Variants in FBXO32 observed in about 807,000 individuals in gnomAD.
FBXO32 encodes the protein F-box protein 32, also known as F-box only protein 32.
FBXO32 carries 15 observed loss-of-function variants against 48.3 expected under a neutral mutation model. That is an observed-to-expected ratio of 0.31 (90% CI 0.21 to 0.48). FBXO32 has a LOEUF of 0.48. Among genes scored for constraint, FBXO32 ranks in the 20% least tolerant of loss-of-function variants. FBXO32 has a pLI of 0.99. For synonymous variants in FBXO32, 154 were observed against 165.9 expected, an observed-to-expected ratio of 0.93 and a Z score of 0.55; for missense variants, 309 against 432.7, an observed-to-expected ratio of 0.71 and a Z score of 2.54.
In FBXO32 at chr8:123,498,266, C is replaced by G. The variant is rs567813504; in HGVS notation, c.*5107G>C. On this transcript the variant is annotated 3_prime_UTR_variant, in exon 9 of 9. Transcript: ENST00000517956. Reference sequence around the variant, plus strand: ...AGCTTGGAGCCTTCTGCTTAACAGACTTGTGCTTCGTTAATTAAACAAACA... The same window carrying G: ...AGCTTGGAGCCTTCTGCTTAACAGAGTTGTGCTTCGTTAATTAAACAAACA... 2.4e-4 allele frequency: 37 copies of G among 152,340 alleles called. No individual in the cohort carries two copies. The highest frequency in any genetic ancestry group is 8.7e-4 in the African/African-American group (36 of 41,580). The allele number at this position is 152,340 out of a possible 1,614,324, so 9.4% of individuals were successfully genotyped here.
chr8:123,510,106 G>T (rs886493858), intron 6 of FBXO32, among the ~76,000 whole-genome samples: 1 of 152,188 alleles, frequency 6.6e-6, no homozygotes, highest in Non-Finnish European at 1.5e-5. Context: ...ATTAATACAT[G>T]CAAAGGACTT....
intron 4 of FBXO32, among the ~76,000 whole-genome samples, chr8:123,518,840 G>A (rs1196940953): frequency 1.3e-5 from 2 of 150,666 alleles, no homozygotes; most frequent in African/African-American, 4.9e-5. Context: ...TTTTTTTGTT[G>A]AGACAAAGTC....
Position 123,501,871 on chromosome 8 carries a change from A to G in FBXO32, c.*1502T>C, listed in dbSNP as rs1816498534. On this transcript the variant is annotated 3_prime_UTR_variant, in exon 9 of 9. Coordinates refer to ENST00000517956, the MANE Select transcript of FBXO32 (RefSeq NM_058229.4). ...AAAAAAAGCATATACAACTGCAAATATATGTACATTGTTGTAGGAAAGCAA... is the reference window on the plus strand; with the variant it reads ...AAAAAAAGCATATACAACTGCAAATGTATGTACATTGTTGTAGGAAAGCAA... 6.6e-6 allele frequency: 1 copy of G among 152,196 alleles called. No homozygotes were observed. The highest frequency in any genetic ancestry group is 1.5e-5 in the Non-Finnish European group (1 of 68,028). The allele number at this position is 152,196 out of a possible 1,614,324, so 9.4% of individuals were successfully genotyped here. A position where few individuals can be genotyped will look rare whatever the true frequency, so the allele number is the denominator to read the frequency against.
Position 123,503,564 on chromosome 8 carries a change from A to T in FBXO32, c.979-102T>A, listed in dbSNP as rs907849271. On this transcript the variant is annotated intron_variant, in intron 8 of 8. Transcript: ENST00000517956. ...ACTTCAAAGCAACAATTCTCTGTCA[A>T]TAATGCCCCAGGCCTAAATGTTGCA... is the stretch of plus-strand genomic sequence containing the variant. The T allele has an allele frequency of 5.0e-6, 4 of 792,576 alleles. No homozygotes were observed. In the African/African-American group the frequency reaches 6.9e-5, roughly 14 times the overall value. 49.1% of individuals were successfully genotyped at this position (792,576 alleles called of 1,614,324 possible). A position where few individuals can be genotyped will look rare whatever the true frequency, so the allele number is the denominator to read the frequency against.
chr8:123,507,567 C>T (rs575145002), intron 6 of FBXO32, among the ~76,000 whole-genome samples: 24 of 151,838 alleles, frequency 1.6e-4, no homozygotes, highest in African/African-American at 4.8e-4. Flanking sequence ...CCGAGGCCTC[C>T]GTGGAGCATT....
chr8:123,512,722 A>G (rs1816760182), intron 6 of FBXO32, among the ~76,000 whole-genome samples: 1 of 152,120 alleles, frequency 6.6e-6, no homozygotes, highest in Admixed American at 6.6e-5. Flanking sequence ...AAGTTCACAG[A>G]CTTTAATCAA....
At chr8:123,534,919 G>T in intron 1 of FBXO32, 105 bp from the exon 2 acceptor site, 1 of 609,444 alleles carries the variant, frequency 1.6e-6, no homozygotes, top group African/African-American at 1.9e-5. Flanking sequence ...AAACATACAG[G>T]CTTCTCAAAC....
At chr8:123,521,090 T>C (rs1406536907) in intron 4 of FBXO32, among the ~76,000 whole-genome samples, 1 of 152,238 alleles carries the variant, frequency 6.6e-6, no homozygotes, top group African/African-American at 2.4e-5. Flanking sequence ...TTCACCTTAC[T>C]ATGGTTTCAT....
At chr8:123,534,871 C>G (rs1817280750) in intron 1 of FBXO32, 57 bp from the exon 2 acceptor site, 2 of 1,089,096 alleles carry the variant, frequency 1.8e-6, no homozygotes, top group Non-Finnish European at 2.8e-6. Flanking sequence ...TGAACCTGAG[C>G]TGTTTCTATA....
intron 1 of FBXO32, among the ~76,000 whole-genome samples, chr8:123,539,712 A>C (rs1280899595): frequency 6.6e-6 from 1 of 152,196 alleles, no homozygotes; most frequent in Non-Finnish European, 1.5e-5. Flanking sequence ...TTTTCTTGAT[A>C]GTTTTCTCAA....
chr8:123,515,469 G>A (rs796611061), intron 4 of FBXO32, among the ~76,000 whole-genome samples: 37 of 148,994 alleles, frequency 2.5e-4, no homozygotes, highest in African/African-American at 8.9e-4. Context: ...GGCTGCTCTC[G>A]AACTCCTGAC....
intron 4 of FBXO32, among the ~76,000 whole-genome samples, chr8:123,519,586 T>C (rs910772372): frequency 2.7e-5 from 4 of 149,692 alleles, no homozygotes; most frequent in African/African-American, 9.8e-5. Flanking sequence ...TATATAATAA[T>C]ATGTTGTGAC....
rs547914232 is a variant in FBXO32 at position 123,498,239 on chromosome 8, A to G, written c.*5134T>C. 6.6e-6 allele frequency: 1 copy of G among 152,384 alleles called. No homozygotes were observed. Among genetic ancestry groups the G allele is most frequent in the African/African-American group, 2.4e-5 (1 of 41,596 alleles). The allele number at this position is 152,384 out of a possible 1,614,324, so 9.4% of individuals were successfully genotyped here. A position where few individuals can be genotyped will look rare whatever the true frequency, so the allele number is the denominator to read the frequency against. ...CACCAAGGATTCCCAAGTATAGAAT[A>G]CAGCTTGGAGCCTTCTGCTTAACAG... is the stretch of plus-strand genomic sequence containing the variant. On this transcript the variant is annotated 3_prime_UTR_variant, in exon 9 of 9. Coordinates refer to ENST00000517956, the MANE Select transcript of FBXO32 (RefSeq NM_058229.4).
At chr8:123,534,650 T>C in intron 2 of FBXO32, 52 bp downstream of exon 2, 1 of 1,200,310 alleles carries the variant, frequency 8.3e-7, no homozygotes, top group Non-Finnish European at 1.2e-6. Flanking sequence ...CAAGAACCAA[T>C]CATAACTATC....
At chr8:123,531,839 A>G (rs1407432933) in intron 4 of FBXO32, 59 bp downstream of exon 4, 42 of 1,595,790 alleles carry the variant, frequency 2.6e-5, no homozygotes, top group Non-Finnish European at 3.6e-5. Flanking sequence ...AAGACAACCC[A>G]AAGAGATGAT....
At chr8:123,505,299 T>C (rs1325666126) in intron 7 of FBXO32, among the ~76,000 whole-genome samples, 1 of 152,220 alleles carries the variant, frequency 6.6e-6, no homozygotes, top group African/African-American at 2.4e-5. Flanking sequence ...CAGGGCCAGT[T>C]TCCTCACCCA....
In FBXO32 at chr8:123,534,766, C is replaced by T; in HGVS notation, c.165G>A (p.Leu55=). The T allele has an allele frequency of 2.5e-6, 4 of 1,613,896 alleles. No homozygotes were observed. Among genetic ancestry groups the T allele is most frequent in the Non-Finnish European group, 3.4e-6 (4 of 1,179,896 alleles). Residue 55 remains leucine, a synonymous_variant, in exon 2 of 9, where the codon CTG becomes CTA. Coordinates refer to ENST00000517956, the MANE Select transcript of FBXO32 (RefSeq NM_058229.4). ...TCTTCTTGGCTGCAACATCATAGTT[C>T]AGGCTGTTGAAAAGATTCTCCTTAT... The part of the protein sequence containing the change: ...VYNKENLFNS[L]NYDVAAKKRK...
chr8:123,514,706 G>GC (rs751503813), intron 4 of FBXO32, among the ~76,000 whole-genome samples: 3 of 152,208 alleles, frequency 2.0e-5, no homozygotes, highest in East Asian at 3.8e-4. Flanking sequence ...GAATTCTTCT[G>GC]CCCCCGCTTG....
Position 123,503,190 on chromosome 8 carries a change from A to T in FBXO32, c.*183T>A. 1 of 488,650 alleles carries T rather than the reference A, an allele frequency of 2.0e-6. No individual in the cohort carries two copies. Among genetic ancestry groups the T allele is most frequent in the Non-Finnish European group, 3.6e-6 (1 of 276,044 alleles). The allele number at this position is 488,650 out of a possible 1,614,324, so 30.3% of individuals were successfully genotyped here. A position where few individuals can be genotyped will look rare whatever the true frequency, so the allele number is the denominator to read the frequency against. On this transcript the variant is annotated 3_prime_UTR_variant, in exon 9 of 9. Transcript: ENST00000517956. ...ATACCAATTCTAGTGAGAAGTTCAC[A>T]TTCTTAAATTCCCAGTCAGCAACTG...
Sources: allele counts gnomAD v4.1 joint callset (sites outside exome capture counted in the v4.1 genomes callset), GRCh38; gene constraint gnomAD v4.1.1; transcripts MANE v1.5; gene names NCBI Gene and HGNC (gene_info 2026-07-23, HGNC 2026-07-21).